Variants in FA2H observed in about 807,000 individuals in gnomAD.
FA2H encodes the protein fatty acid 2-hydroxylase.
In FA2H, 22 loss-of-function variants were observed where a neutral mutation model predicts 44.9. The observed-to-expected ratio is 0.49, with a 90% CI of 0.35 to 0.70. FA2H has a LOEUF of 0.70. Among genes scored for constraint, FA2H ranks in the 30% least tolerant of loss-of-function variants. The pLI, the probability that FA2H is intolerant of heterozygous loss-of-function variation, is 0.01. For missense variants in FA2H, 501 were observed against 504.9 expected, an observed-to-expected ratio of 0.99 and a Z score of 0.07; for synonymous variants, 243 against 213.2, an observed-to-expected ratio of 1.14 and a Z score of -1.22.
At chr16:74,773,548 C>T (rs1336367444) in intron 1 of FA2H, among the ~76,000 whole-genome samples, 2 of 152,130 alleles carry the variant, frequency 1.3e-5, no homozygotes, top group African/African-American at 2.4e-5. Flanking sequence ...CTGGCCTGAG[C>T]CTACCTGGAA....
At chr16:74,750,232 C>T (rs113880686) in intron 1 of FA2H, among the ~76,000 whole-genome samples, 55 of 152,228 alleles carry the variant, frequency 3.6e-4, no homozygotes, top group South Asian at 1.2e-3. Context: ...AATACACGTA[C>T]GACACCTAAA....
At chr16:74,725,888 T>C (rs1242606840) in intron 4 of FA2H, 2 of 364,468 alleles carry the variant, frequency 5.5e-6, no homozygotes, top group Non-Finnish European at 1.1e-5. Context: ...TGATTTCATT[T>C]AGTTTCTTAG....
At chr16:74,758,117 CTTTTTTTTT>C (rs71378706) in intron 1 of FA2H, among the ~76,000 whole-genome samples, 3 of 113,564 alleles carry the variant, frequency 2.6e-5, no homozygotes, top group East Asian at 2.5e-4. Context: ...GGAAACAATT[CTTTTTTTTT>C]TTTTTTTTTT....
chr16:74,745,539 A>G (rs1464095591), intron 1 of FA2H, among the ~76,000 whole-genome samples: 1 of 152,222 alleles, frequency 6.6e-6, no homozygotes, highest in African/African-American at 2.4e-5. Flanking sequence ...TGCTCTGCCA[A>G]GGAGACGGGG....
chr16:74,746,402 G>A (rs1460958320), intron 1 of FA2H, among the ~76,000 whole-genome samples: 1 of 150,680 alleles, frequency 6.6e-6, no homozygotes, highest in Non-Finnish European at 1.5e-5. Flanking sequence ...AGAAAAGGGG[G>A]TCTCGCTATG....
chr16:74,726,182 C>T (rs1186660158), intron 4 of FA2H, 43 bp downstream of exon 4: 2 of 1,383,660 alleles, frequency 1.4e-6, no homozygotes, highest in Non-Finnish European at 1.0e-6. Context: ...GGTCTCCTCC[C>T]TCTAGGATCC....
chr16:74,759,235 C>G (rs1783154606), intron 1 of FA2H, among the ~76,000 whole-genome samples: 1 of 152,262 alleles, frequency 6.6e-6, no homozygotes, highest in Non-Finnish European at 1.5e-5. Flanking sequence ...CACCAACATA[C>G]TACACACGTT....
At chr16:74,771,192 T>C (rs1333619011) in intron 1 of FA2H, among the ~76,000 whole-genome samples, 1 of 152,096 alleles carries the variant, frequency 6.6e-6, no homozygotes, top group African/African-American at 2.4e-5. Flanking sequence ...TCTTTTCTTT[T>C]TCCTTTTCTA....
chr16:74,767,062 A>G (rs1287310159), intron 1 of FA2H, among the ~76,000 whole-genome samples: 1 of 152,174 alleles, frequency 6.6e-6, no homozygotes, highest in East Asian at 1.9e-4. Context: ...TGTAATCCCA[A>G]CACTTTGGGA....
At chr16:74,736,075 C>T (rs932546623) in intron 2 of FA2H, among the ~76,000 whole-genome samples, 4 of 152,242 alleles carry the variant, frequency 2.6e-5, no homozygotes, top group African/African-American at 9.6e-5. Context: ...GTCCACTGCC[C>T]TCCCAGGGTG....
chr16:74,769,426 T>G (rs985246626), intron 1 of FA2H, among the ~76,000 whole-genome samples: 1 of 152,126 alleles, frequency 6.6e-6, no homozygotes, highest in African/African-American at 2.4e-5. Flanking sequence ...ACGTAAAAGC[T>G]TTGATTTTAC....
At chr16:74,736,996 T>C (rs112925248) in intron 2 of FA2H, among the ~76,000 whole-genome samples, 10 of 152,118 alleles carry the variant, frequency 6.6e-5, no homozygotes, top group African/African-American at 2.4e-4. Context: ...AGATAACCAA[T>C]AATACATTGA....
intron 2 of FA2H, among the ~76,000 whole-genome samples, chr16:74,737,558 A>G (rs1186872174): frequency 6.7e-6 from 1 of 150,342 alleles, no homozygotes; most frequent in Non-Finnish European, 1.5e-5. Context: ...TTGTCCTCTC[A>G]CTCTTCCCAG....
At chr16:74,740,228 C>A in intron 1 of FA2H, 113 bp from the exon 2 acceptor site, 2 of 825,662 alleles carry the variant, frequency 2.4e-6, no homozygotes, top group Non-Finnish European at 4.2e-6. Context: ...GTGGGTGGGG[C>A]AGGGTGGTGG....
In FA2H at chr16:74,728,218, G is replaced by C. The variant is rs1208764990; in HGVS notation, c.364-832C>G. On this transcript the variant is annotated intron_variant, in intron 2 of 6. Transcript: ENST00000219368. ...GCAGGATAACTGCTTGAGGCCAGTA[G>C]TTTGAGACCAGCCTGGGCAATAGTT... 5.3e-5 allele frequency among the ~76,000 whole-genome samples: 8 copies of C among 152,210 alleles called. No individual in the cohort carries two copies. In the East Asian group the frequency reaches 1.5e-3, roughly 29 times the overall value.
intron 6 of FA2H, among the ~76,000 whole-genome samples, chr16:74,714,742 T>G (rs1961657464): frequency 6.6e-6 from 1 of 152,206 alleles, no homozygotes; most frequent in East Asian, 1.9e-4. Flanking sequence ...GAAATGTGGC[T>G]AGAGCTCCAG....
At chr16:74,764,672 A>T (rs1258065452) in intron 1 of FA2H, among the ~76,000 whole-genome samples, 2 of 152,142 alleles carry the variant, frequency 1.3e-5, no homozygotes, top group African/African-American at 4.8e-5. Flanking sequence ...AACCCCCATG[A>T]CATGAGTTTA....
chr16:74,758,372 G>A (rs911381217), intron 1 of FA2H, among the ~76,000 whole-genome samples: 2 of 151,668 alleles, frequency 1.3e-5, no homozygotes, highest in Admixed American at 6.6e-5. Flanking sequence ...CGCCTGCCTC[G>A]GCCTCCTAAA....
intron 1 of FA2H, among the ~76,000 whole-genome samples, chr16:74,756,405 T>C (rs1264767386): frequency 3.3e-5 from 5 of 152,080 alleles, no homozygotes; most frequent in African/African-American, 1.2e-4. Flanking sequence ...GGGCTGCCGC[T>C]TGCAAGGGTT....
Sources: gnomAD v4.1 joint callset for allele counts (sites outside exome capture counted in the v4.1 genomes callset) on GRCh38, gnomAD v4.1.1 for gene constraint, MANE v1.5 for transcripts, NCBI Gene and HGNC (gene_info 2026-07-23, HGNC 2026-07-21) for gene names.